UBL3: variants seen among roughly 807,000 people sequenced by gnomAD.
UBL3 encodes the protein ubiquitin-like protein 3.
In UBL3, 6 loss-of-function variants were observed where a neutral mutation model predicts 18.4. That is an observed-to-expected ratio of 0.33 (90% confidence interval 0.18 to 0.64). The LOEUF is 0.64. Among genes scored for constraint, UBL3 ranks in the 30% least tolerant of loss-of-function variants. The pLI is 0.76. For synonymous variants in UBL3, 49 were observed against 46.6 expected, an observed-to-expected ratio of 1.05 and a Z score of -0.21; for missense variants, 109 against 142.9, an observed-to-expected ratio of 0.76 and a Z score of 1.21.
At chr13:29,835,079 T>C (rs1330954385) in intron 1 of UBL3, among the ~76,000 whole-genome samples, 2 of 88,408 alleles carry the variant, frequency 2.3e-5, no homozygotes, top group Admixed American at 3.1e-4. Flanking sequence ...AAATAAAATA[T>C]ATAAATATAA....
chr13:29,785,897 G>A (rs1003831032), intron 1 of UBL3, among the ~76,000 whole-genome samples: 1 of 152,108 alleles, frequency 6.6e-6, no homozygotes, highest in Non-Finnish European at 1.5e-5. Context: ...TTTGCTGGAC[G>A]AATTTTAAAA....
At chr13:29,792,275 T>C (rs1877500448) in intron 1 of UBL3, among the ~76,000 whole-genome samples, 1 of 152,100 alleles carries the variant, frequency 6.6e-6, no homozygotes, top group African/African-American at 2.4e-5. Flanking sequence ...CAAGAAAAAA[T>C]GTTTTCTAAT....
chr13:29,825,820 T>C (rs896717161), intron 1 of UBL3, among the ~76,000 whole-genome samples: 4 of 152,208 alleles, frequency 2.6e-5, no homozygotes, highest in Admixed American at 2.0e-4. Context: ...CAGTATGATA[T>C]TGGCTGTGGG....
intron 1 of UBL3, among the ~76,000 whole-genome samples, chr13:29,809,567 T>C (rs529590704): frequency 2.6e-5 from 4 of 152,242 alleles, no homozygotes; most frequent in Admixed American, 2.6e-4. Context: ...CTGAAGGTCA[T>C]CATGGCTGTT....
intron 1 of UBL3, among the ~76,000 whole-genome samples, chr13:29,832,953 C>T (rs1313129062): frequency 1.3e-5 from 2 of 152,150 alleles, no homozygotes; most frequent in African/African-American, 2.4e-5. Flanking sequence ...CCACTTTAAG[C>T]AGAAAGTGAA....
intron 1 of UBL3, among the ~76,000 whole-genome samples, chr13:29,806,990 A>T (rs1877914781): frequency 6.6e-6 from 1 of 152,210 alleles, no homozygotes; most frequent in African/African-American, 2.4e-5. Context: ...AATTATAATT[A>T]TCAGTTATTC....
At chr13:29,813,917 T>G (rs1209402591) in intron 1 of UBL3, among the ~76,000 whole-genome samples, 2 of 152,048 alleles carry the variant, frequency 1.3e-5, no homozygotes, top group East Asian at 1.9e-4. Context: ...ACTTTTGAAA[T>G]AAAATTAAAA....
At chr13:29,849,446 G>A in intron 1 of UBL3, 66 bp downstream of exon 1, 2 of 1,609,086 alleles carry the variant, frequency 1.2e-6, no homozygotes, top group South Asian at 2.2e-5. Context: ...CACGCCTGCC[G>A]TCTTTCCGAT....
intron 1 of UBL3, among the ~76,000 whole-genome samples, chr13:29,848,364 G>A (rs969788254): frequency 6.6e-6 from 1 of 151,628 alleles, no homozygotes; most frequent in Non-Finnish European, 1.5e-5. Context: ...GGCTGAGGCA[G>A]GAGAATCGCT....
At chr13:29,808,981 G>C (rs1026362540) in intron 1 of UBL3, among the ~76,000 whole-genome samples, 1 of 152,018 alleles carries the variant, frequency 6.6e-6, no homozygotes, top group Non-Finnish European at 1.5e-5. Context: ...ATGCTCAATA[G>C]AATATAAATC....
At chr13:29,813,900 C>G (rs781393811) in intron 1 of UBL3, among the ~76,000 whole-genome samples, 8 of 152,020 alleles carry the variant, frequency 5.3e-5, no homozygotes, top group Non-Finnish European at 1.2e-4. Context: ...GAAGAAGACT[C>G]AGAGCCACTT....
intron 1 of UBL3, among the ~76,000 whole-genome samples, chr13:29,810,294 G>A (rs1210003140): frequency 6.6e-6 from 1 of 152,044 alleles, no homozygotes; most frequent in Non-Finnish European, 1.5e-5. Context: ...ACACATTTGG[G>A]GGTCATCAGC....
At chr13:29,819,935 G>T (rs543186057) in intron 1 of UBL3, among the ~76,000 whole-genome samples, 3 of 152,052 alleles carry the variant, frequency 2.0e-5, no homozygotes, top group Admixed American at 6.6e-5. Context: ...CAACTGCAAA[G>T]ATAAAATGTC....
At chr13:29,844,529 A>T (rs1284424827) in intron 1 of UBL3, among the ~76,000 whole-genome samples, 1 of 152,202 alleles carries the variant, frequency 6.6e-6, no homozygotes, top group Non-Finnish European at 1.5e-5. Context: ...AAGTTAAATT[A>T]TGCATAGTAT....
At chr13:29,836,351 T>C (rs1157697024) in intron 1 of UBL3, among the ~76,000 whole-genome samples, 10 of 150,238 alleles carry the variant, frequency 6.7e-5, no homozygotes, top group African/African-American at 2.5e-4. Context: ...CAAAAATAAA[T>C]AAATAAACAA....
intron 1 of UBL3, among the ~76,000 whole-genome samples, chr13:29,803,894 A>G (rs1877835220): frequency 6.6e-6 from 1 of 152,154 alleles, no homozygotes; most frequent in African/African-American, 2.4e-5. Context: ...GCAGAAAATT[A>G]GCAAAGATTT....
intron 1 of UBL3, among the ~76,000 whole-genome samples, chr13:29,828,482 T>C (rs1878682582): frequency 1.3e-5 from 2 of 152,246 alleles, no homozygotes; most frequent in South Asian, 4.1e-4. Flanking sequence ...TACTGAGGCT[T>C]GTGCATTTGT....
At chr13:29,831,472 C>T (rs1878768576) in intron 1 of UBL3, among the ~76,000 whole-genome samples, 1 of 151,746 alleles carries the variant, frequency 6.6e-6, no homozygotes, top group Non-Finnish European at 1.5e-5. Flanking sequence ...CCTGTAATCC[C>T]AGCTATTCGG....
Position 29,811,727 on chromosome 13 carries a change from C to T in UBL3, c.28-34464G>A, listed in dbSNP as rs375036961. Among the ~76,000 whole-genome samples, 68 of 152,192 alleles carry T rather than the reference C, an allele frequency of 4.5e-4. 2 individuals carry two copies. The highest frequency in any genetic ancestry group is 1.5e-3 in the African/African-American group (63 of 41,558). On this transcript the variant is annotated intron_variant, in intron 1 of 4. Coordinates refer to ENST00000380680, the MANE Select transcript of UBL3 (RefSeq NM_007106.4). ...TGAAAAATACCTGGCTGCTTGATAA[C>T]ATCACTAAGCTGCTAGACTAGCCAG...
Sources: allele counts gnomAD v4.1 joint callset (sites outside exome capture counted in the v4.1 genomes callset), GRCh38; gene constraint gnomAD v4.1.1; transcripts MANE v1.5; gene names NCBI Gene and HGNC (gene_info 2026-07-23, HGNC 2026-07-21).